The following SLCO3A1 variants were observed in gnomAD, a reference collection of about 807,000 sequenced individuals.
SLCO3A1 encodes the protein PGE1 transporter.
Under a neutral mutation model 63.1 loss-of-function variants are expected in SLCO3A1, and 27 were observed. The observed-to-expected ratio is 0.43, with a 90% confidence interval of 0.32 to 0.59. The LOEUF (loss-of-function observed/expected upper bound fraction) is 0.59, where lower values mean the gene tolerates loss of function less well. Ranked by LOEUF, SLCO3A1 falls within the 20% of genes least tolerant of loss-of-function variation. The pLI is 0.09. For missense variants in SLCO3A1, 773 were observed against 945.8 expected (o/e 0.82, Z 2.40); for synonymous variants, 473 against 409.9 (o/e 1.15, Z -1.86).
chr15:92,050,438 G>A (rs962627506), intron 2 of SLCO3A1, among the ~76,000 whole-genome samples: 5 of 152,170 alleles, frequency 3.3e-5, no homozygotes, highest in Non-Finnish European at 7.4e-5. Flanking sequence ...CCCTGCACAC[G>A]GAGGCACGGT....
intron 1 of SLCO3A1, among the ~76,000 whole-genome samples, chr15:91,914,567 C>CA (rs761673644): frequency 4.1e-5 from 5 of 122,248 alleles, no homozygotes; most frequent in African/African-American, 9.2e-5. Context: ...TATTTTCTTC[C>CA]TTTTTTTTTT....
intron 2 of SLCO3A1, among the ~76,000 whole-genome samples, chr15:92,067,198 G>C (rs150501324): frequency 7.9e-4 from 121 of 152,312 alleles, no homozygotes; most frequent in African/African-American, 2.8e-3. Flanking sequence ...GGGAATAGGA[G>C]CCCAGAGCCC....
chr15:92,150,748 T>C (rs2048294071), intron 8 of SLCO3A1, among the ~76,000 whole-genome samples: 2 of 151,756 alleles, frequency 1.3e-5, no homozygotes, highest in African/African-American at 4.8e-5. Context: ...CCTAAACTTA[T>C]CTTGGCACCA....
At chr15:92,063,685 A>G (rs1829098421) in intron 2 of SLCO3A1, among the ~76,000 whole-genome samples, 1 of 152,110 alleles carries the variant, frequency 6.6e-6, no homozygotes, top group African/African-American at 2.4e-5. Context: ...CCCTGTCTCT[A>G]CTAAAAATAC....
At chr15:91,994,577 T>C (rs984120957) in intron 2 of SLCO3A1, among the ~76,000 whole-genome samples, 5 of 150,468 alleles carry the variant, frequency 3.3e-5, no homozygotes, top group African/African-American at 1.2e-4. Flanking sequence ...AATCAGGTGA[T>C]TGATGAAGTG....
intron 7 of SLCO3A1, among the ~76,000 whole-genome samples, chr15:92,133,259 G>C (rs1180792628): frequency 5.5e-5 from 8 of 146,502 alleles, no homozygotes; most frequent in Non-Finnish European, 1.1e-4. Context: ...AAGGGATGAG[G>C]CATGTTCTAT....
At chr15:91,919,270 T>C (rs1898763307) in intron 2 of SLCO3A1, among the ~76,000 whole-genome samples, 1 of 152,258 alleles carries the variant, frequency 6.6e-6, no homozygotes, top group Admixed American at 6.5e-5. Flanking sequence ...CTCTTGTGGC[T>C]GAGCCGCTGC....
chr15:91,939,827 G>A (rs989166759), intron 2 of SLCO3A1, among the ~76,000 whole-genome samples: 2 of 152,054 alleles, frequency 1.3e-5, no homozygotes, highest in Non-Finnish European at 2.9e-5. Flanking sequence ...GTGCTGCTTC[G>A]AGCCATGCCA....
intron 5 of SLCO3A1, among the ~76,000 whole-genome samples, chr15:92,123,479 C>T (rs1416253513): frequency 6.6e-6 from 1 of 151,926 alleles, no homozygotes; most frequent in Admixed American, 6.6e-5. Flanking sequence ...AGATTACCAC[C>T]CCTCTCCCTG....
chr15:92,050,957 A>G (rs1295689958), intron 2 of SLCO3A1, among the ~76,000 whole-genome samples: 4 of 152,280 alleles, frequency 2.6e-5, no homozygotes, highest in Middle Eastern at 6.8e-3. Context: ...GCCTTCAGAC[A>G]TAGTCTTCTT....
At chr15:92,146,744 G>C (rs940136179) in intron 7 of SLCO3A1, among the ~76,000 whole-genome samples, 3 of 152,122 alleles carry the variant, frequency 2.0e-5, no homozygotes, top group Non-Finnish European at 4.4e-5. Context: ...AGGGATTCTT[G>C]AGAATGGAAA....
intron 2 of SLCO3A1, among the ~76,000 whole-genome samples, chr15:91,920,340 C>A (rs955440198): frequency 1.3e-5 from 2 of 152,168 alleles, no homozygotes; most frequent in Non-Finnish European, 2.9e-5. Context: ...AGCCCGAAGC[C>A]TCCTGGGCAT....
intron 1 of SLCO3A1, among the ~76,000 whole-genome samples, chr15:91,893,118 T>C (rs1229579830): frequency 6.6e-6 from 1 of 152,246 alleles, no homozygotes; most frequent in Non-Finnish European, 1.5e-5. Context: ...TCTCTGCTCT[T>C]CTGCAAGGTA....
intron 1 of SLCO3A1, among the ~76,000 whole-genome samples, chr15:91,873,858 A>T (rs1897335336): frequency 6.6e-6 from 1 of 152,136 alleles, no homozygotes; most frequent in South Asian, 2.1e-4. Context: ...ACAGCCACAA[A>T]CCAATTCAAG....
chr15:91,891,181 G>C (rs982642401), intron 1 of SLCO3A1, among the ~76,000 whole-genome samples: 1 of 151,472 alleles, frequency 6.6e-6, no homozygotes, highest in Non-Finnish European at 1.5e-5. Flanking sequence ...ACCATTTTTA[G>C]GTAAGTGTGG....
chr15:91,909,342 A>G (rs1342841863), intron 1 of SLCO3A1, among the ~76,000 whole-genome samples: 1 of 152,150 alleles, frequency 6.6e-6, no homozygotes, highest in Non-Finnish European at 1.5e-5. Context: ...TTGTTCATAT[A>G]TTGTCCATGC....
At chr15:92,075,862 G>C (rs1051055645) in intron 2 of SLCO3A1, among the ~76,000 whole-genome samples, 1 of 152,200 alleles carries the variant, frequency 6.6e-6, no homozygotes, top group East Asian at 1.9e-4. Context: ...CTCTCATATA[G>C]TGAGTGAGTG....
chr15:91,913,339 G>T, intron 1 of SLCO3A1, among the ~76,000 whole-genome samples: 1 of 152,252 alleles, frequency 6.6e-6, no homozygotes, highest in African/African-American at 2.4e-5. Context: ...CCAATAATGG[G>T]TGTCATGGCC....
chr15:91,854,140 G>C lies in SLCO3A1; in HGVS notation c.180+52G>C, dbSNP rs773504275. 1 of 1,350,296 alleles carries C rather than the reference G, an allele frequency of 7.4e-7. No homozygotes were observed. Among genetic ancestry groups the C allele is most frequent in the Non-Finnish European group, 9.6e-7 (1 of 1,041,256 alleles). 83.6% of individuals were successfully genotyped at this position (1,350,296 alleles called of 1,614,324 possible). On this transcript the variant is annotated intron_variant, in intron 1 of 9. Transcript: ENST00000318445. The surrounding 1 kb of genome is among the most constrained non-coding windows in gnomAD (Gnocchi z 6.4). ...GGGCCCCTTCCCCAGCCCGGCTCTCGAGCGGCCGCCTGGCCCGACGAGGGG... is the reference window on the plus strand; with the variant it reads ...GGGCCCCTTCCCCAGCCCGGCTCTCCAGCGGCCGCCTGGCCCGACGAGGGG...
Sources: gnomAD v4.1 joint callset for allele counts (sites outside exome capture counted in the v4.1 genomes callset) on GRCh38, gnomAD v4.1.1 for gene constraint, Gnocchi (gnomAD v3.1) non-coding constraint, MANE v1.5 for transcripts, NCBI Gene and HGNC (gene_info 2026-07-23, HGNC 2026-07-21) for gene names.